The following RGL1 variants were observed in gnomAD, a reference collection of about 807,000 sequenced individuals.
RGL1 encodes ral guanine nucleotide dissociation stimulator-like 1.
In RGL1, 24 loss-of-function variants were observed where a neutral mutation model predicts 95.2. The ratio of observed to expected loss-of-function variants is 0.25; its 90% confidence interval spans 0.18 to 0.35. The LOEUF (loss-of-function observed/expected upper bound fraction) is 0.35, where lower values mean the gene tolerates loss of function less well. Among genes scored for constraint, RGL1 ranks in the 10% least tolerant of loss-of-function variants. The probability of loss-of-function intolerance (pLI) is 1.00; values close to 1 mark genes in which losing one functional copy is unlikely to be tolerated. For synonymous variants in RGL1, 329 were observed against 344.9 expected (o/e 0.95, Z 0.51); for missense variants, 715 against 936.3 (o/e 0.76, Z 3.08).
rs1268862228 is a variant in RGL1 at position 183,741,735 on chromosome 1, T to C, written c.-32-391T>C. Among the ~76,000 whole-genome samples the C allele has an allele frequency of 3.9e-5, 6 of 152,344 alleles. No individual in the cohort carries two copies. In the South Asian group the frequency reaches 1.0e-3, roughly 26 times the overall value. On this transcript the variant is annotated intron_variant, in intron 1 of 18. Coordinates refer to the RGL1 transcript ENST00000304685. ...TTGAAGAGTAAAACTCTTGACATCATAGCCAGTGCTTCTTCCACATGGAGC... is the reference window on the plus strand; with the variant it reads ...TTGAAGAGTAAAACTCTTGACATCACAGCCAGTGCTTCTTCCACATGGAGC...
At chr1:183,748,197 C>CT (rs1162077547) in intron 2 of RGL1, among the ~76,000 whole-genome samples, 1 of 151,806 alleles carries the variant, frequency 6.6e-6, no homozygotes, top group African/African-American at 2.4e-5. Context: ...TTTATTGTGT[C>CT]TATTTGATCC....
intron 1 of RGL1, chr1:183,647,967 A>C (rs758605737): frequency 3.7e-6 from 6 of 1,614,100 alleles, no homozygotes; most frequent in Non-Finnish European, 8.5e-7. Context: ...CGGCATTTGA[A>C]AAAACTGTCC....
chr1:183,737,751 A>T (rs1416083880), intron 1 of RGL1, among the ~76,000 whole-genome samples: 1 of 152,194 alleles, frequency 6.6e-6, no homozygotes, highest in Non-Finnish European at 1.5e-5. Flanking sequence ...CAATTACAAA[A>T]AAATTCCCAA....
intron 1 of RGL1, among the ~76,000 whole-genome samples, chr1:183,705,816 A>G (rs1376138402): frequency 1.3e-5 from 2 of 152,164 alleles, no homozygotes; most frequent in Admixed American, 6.5e-5. Flanking sequence ...GGTAGAATTG[A>G]TGTGTTAAAA....
chr1:183,702,485 G>A (rs541910891), intron 1 of RGL1, among the ~76,000 whole-genome samples: 2 of 152,278 alleles, frequency 1.3e-5, no homozygotes, highest in Admixed American at 1.3e-4. Context: ...TCAGATGAAC[G>A]CTGGTTGCAA....
chr1:183,792,211 C>A (rs1282857674), intron 2 of RGL1, among the ~76,000 whole-genome samples: 2 of 151,858 alleles, frequency 1.3e-5, no homozygotes, highest in Admixed American at 1.3e-4. Flanking sequence ...CATTTACTTG[C>A]AACATGCTGC....
At chr1:183,659,696 A>G (rs1194882915) in intron 1 of RGL1, among the ~76,000 whole-genome samples, 1 of 151,868 alleles carries the variant, frequency 6.6e-6, no homozygotes, top group Non-Finnish European at 1.5e-5. Context: ...AGATTCAGGA[A>G]ATACAGAGAA....
At chr1:183,813,313 A>G (rs936227531) in intron 2 of RGL1, among the ~76,000 whole-genome samples, 1 of 152,212 alleles carries the variant, frequency 6.6e-6, no homozygotes, top group Non-Finnish European at 1.5e-5. Flanking sequence ...GGGGACTTCA[A>G]GTCAGCCTTC....
intron 3 of RGL1, among the ~76,000 whole-genome samples, chr1:183,862,043 A>T (rs1665540475): frequency 6.6e-6 from 1 of 152,224 alleles, no homozygotes; most frequent in Non-Finnish European, 1.5e-5. Flanking sequence ...CCTTAATGAT[A>T]AGAAAGGTGC....
At chr1:183,804,425 T>C (rs1284524237), upstream of RGL1, among the ~76,000 whole-genome samples, 1 of 152,222 alleles carries the variant, frequency 6.6e-6, no homozygotes, top group Admixed American at 6.5e-5. Flanking sequence ...CTGCTGGTAG[T>C]CATCTGATGA....
chr1:183,736,118 A>G (rs1252456280), intron 1 of RGL1, among the ~76,000 whole-genome samples: 2 of 152,244 alleles, frequency 1.3e-5, no homozygotes, highest in East Asian at 3.8e-4. Flanking sequence ...CAAAACCCCG[A>G]TATTATATAC....
chr1:183,655,782 G>A (rs1413039656), intron 1 of RGL1, among the ~76,000 whole-genome samples: 1 of 152,088 alleles, frequency 6.6e-6, no homozygotes, highest in East Asian at 1.9e-4. Context: ...TTATCCTAGG[G>A]GAAACAGCAG....
chr1:183,871,983 A>G (rs1572532597), intron 4 of RGL1, among the ~76,000 whole-genome samples: 1 of 148,606 alleles, frequency 6.7e-6, no homozygotes, highest in Non-Finnish European at 1.5e-5. Flanking sequence ...TAGACTGATT[A>G]TATAAGGTGT....
At chr1:183,796,453 T>A (rs1251051221) in intron 2 of RGL1, among the ~76,000 whole-genome samples, 1 of 152,186 alleles carries the variant, frequency 6.6e-6, no homozygotes, top group African/African-American at 2.4e-5. Context: ...TGAGCCTCTG[T>A]GCCCGGCCTG....
intron 4 of RGL1, among the ~76,000 whole-genome samples, chr1:183,867,080 G>A (rs1665885350): frequency 6.6e-6 from 1 of 152,196 alleles, no homozygotes; most frequent in South Asian, 2.1e-4. Flanking sequence ...AATGGGGAGT[G>A]TGTATCAGAA....
chr1:183,659,691 C>G (rs1651465726), intron 1 of RGL1, among the ~76,000 whole-genome samples: 1 of 151,858 alleles, frequency 6.6e-6, no homozygotes, highest in Non-Finnish European at 1.5e-5. Flanking sequence ...CATTCAGATT[C>G]AGGAAATACA....
At chr1:183,664,194 C>T (rs1439507472) in intron 1 of RGL1, among the ~76,000 whole-genome samples, 4 of 149,188 alleles carry the variant, frequency 2.7e-5, no homozygotes, top group African/African-American at 1.0e-4. Flanking sequence ...GCACATGTAC[C>T]CTAAAACTTA....
At position 183,926,281 on chromosome 1, in the gene RGL1, A is replaced by G. The variant is rs757826290; in HGVS notation, c.2296A>G (p.Ile766Val). The G allele has an allele frequency of 1.6e-5, 25 of 1,611,418 alleles. No individual in the cohort carries two copies. The highest frequency in any genetic ancestry group is 2.0e-5 in the Non-Finnish European group (24 of 1,178,448). Residue 766 changes from isoleucine (I) to valine (V), a missense_variant, in exon 18 of 18, where the codon ATC becomes GTC. Physicochemically the swap from Ile to Val is conservative, Grantham distance 29 (BLOSUM62 3). Around this residue, in one of 3 missense-constraint regions of RGL1, gnomAD observed 330 missense variants for 429.6 expected, o/e 0.77. Coordinates refer to ENST00000360851, the MANE Select transcript of RGL1 (RefSeq NM_001297671.3). ...RGCWSNRHSKITL is the reference protein window; with the variant it reads ...RGCWSNRHSKVTL ...CTGCTGGAGTAACAGACACAGCAAA[A>G]TCACCCTCTGAAGGGAGGGACCAGT...
chr1:183,840,683 C>A (rs56351718), intron 2 of RGL1, among the ~76,000 whole-genome samples: 1 of 151,160 alleles, frequency 6.6e-6, no homozygotes, highest in Middle Eastern at 3.4e-3. Flanking sequence ...GGCAATATAG[C>A]GAGGCCTTGT....
Sources: gnomAD v4.1 joint callset for allele counts (sites outside exome capture counted in the v4.1 genomes callset) on GRCh38, gnomAD v4.1.1 for gene constraint, gnomAD v4.1.1 regional missense constraint, MANE v1.5 for transcripts, NCBI Gene and HGNC (gene_info 2026-07-23, HGNC 2026-07-21) for gene names.